Variants in LRFN2 observed in about 807,000 individuals in gnomAD.
LRFN2 encodes the protein leucine-rich repeat and fibronectin type-III domain-containing protein 2.
LRFN2 carries 18 observed loss-of-function variants against 37.3 expected under a neutral mutation model. The ratio of observed to expected loss-of-function variants is 0.48; its 90% CI spans 0.33 to 0.72. The LOEUF is 0.72. Ranked by LOEUF, LRFN2 falls within the 30% of genes least tolerant of loss-of-function variation. LRFN2 has a pLI of 0.02. For missense variants in LRFN2, 1,006 were observed against 1,060.7 expected, an observed-to-expected ratio of 0.95 and a Z score of 0.72; for synonymous variants, 556 against 466.6, an observed-to-expected ratio of 1.19 and a Z score of -2.47.
chr6:40,583,518 T>C (rs1767444187), intron 1 of LRFN2, among the ~76,000 whole-genome samples: 1 of 152,142 alleles, frequency 6.6e-6, no homozygotes, highest in Non-Finnish European at 1.5e-5. Context: ...CCCTGATACC[T>C]GAGTATAATT....
chr6:40,470,798 A>G (rs991863680), intron 1 of LRFN2, among the ~76,000 whole-genome samples: 2 of 152,096 alleles, frequency 1.3e-5, no homozygotes, highest in Admixed American at 6.5e-5. Flanking sequence ...CATCCAACAC[A>G]GGCACCTGCT....
At chr6:40,444,744 T>G (rs1763926313) in intron 1 of LRFN2, among the ~76,000 whole-genome samples, 1 of 152,152 alleles carries the variant, frequency 6.6e-6, no homozygotes, top group Admixed American at 6.5e-5. Flanking sequence ...CTGGTTTGAT[T>G]AAATGTGGGC....
chr6:40,409,276 G>A (rs1433113279), intron 2 of LRFN2, among the ~76,000 whole-genome samples: 1 of 152,088 alleles, frequency 6.6e-6, no homozygotes, highest in Non-Finnish European at 1.5e-5. Flanking sequence ...AACCTGTATC[G>A]ACCCCCAGGG....
intron 1 of LRFN2, among the ~76,000 whole-genome samples, chr6:40,571,069 G>T (rs889833824): frequency 2.0e-5 from 3 of 152,200 alleles, no homozygotes; most frequent in Non-Finnish European, 2.9e-5. Flanking sequence ...AGCTGGAGAG[G>T]AATCACCTCT....
intron 1 of LRFN2, among the ~76,000 whole-genome samples, chr6:40,490,734 G>C (rs142969064): frequency 3.9e-5 from 6 of 152,200 alleles, no homozygotes; most frequent in Non-Finnish European, 7.3e-5. Context: ...GAACATCAGA[G>C]AAGCCTGCCA....
chr6:40,528,045 A>T (rs1010052921), intron 1 of LRFN2, among the ~76,000 whole-genome samples: 5 of 152,244 alleles, frequency 3.3e-5, no homozygotes, highest in African/African-American at 1.2e-4. Flanking sequence ...AAACTGCCCA[A>T]GGTCACACCG....
intron 1 of LRFN2, among the ~76,000 whole-genome samples, chr6:40,577,866 C>T (rs886163262): frequency 6.6e-5 from 10 of 150,684 alleles, no homozygotes; most frequent in African/African-American, 2.0e-4. Context: ...GTCCCTTTCC[C>T]ACCACTAGGA....
intron 1 of LRFN2, among the ~76,000 whole-genome samples, chr6:40,528,367 A>G (rs369306): frequency 0.65 from 99,176 of 152,124 alleles, 33,529 homozygotes; most frequent in African/African-American, 0.84. Context: ...AGAGTCGCTC[A>G]ATGAGAGGCA....
At chr6:40,423,110 G>A (rs1763267362) in intron 2 of LRFN2, among the ~76,000 whole-genome samples, 1 of 152,254 alleles carries the variant, frequency 6.6e-6, no homozygotes, top group Non-Finnish European at 1.5e-5. Flanking sequence ...CTCTTAGAAG[G>A]TGCCCTGAAA....
chr6:40,460,778 T>C (rs2113849728), intron 1 of LRFN2, among the ~76,000 whole-genome samples: 1 of 152,298 alleles, frequency 6.6e-6, no homozygotes, highest in Non-Finnish European at 1.5e-5. Flanking sequence ...GGAGACTTCA[T>C]AGTCTCCCAG....
chr6:40,562,689 T>C (rs931548665), intron 1 of LRFN2, among the ~76,000 whole-genome samples: 9 of 151,998 alleles, frequency 5.9e-5, no homozygotes, highest in Non-Finnish European at 2.9e-5. Flanking sequence ...CACACACACA[T>C]ATTAATCAGC....
intron 1 of LRFN2, among the ~76,000 whole-genome samples, chr6:40,544,647 T>C (rs1486444918): frequency 6.6e-6 from 1 of 152,130 alleles, no homozygotes; most frequent in African/African-American, 2.4e-5. Context: ...GGAAGGAAAT[T>C]AGTCCAAGCT....
intron 1 of LRFN2, among the ~76,000 whole-genome samples, chr6:40,543,146 G>A (rs1766588565): frequency 6.6e-6 from 1 of 152,202 alleles, no homozygotes; most frequent in African/African-American, 2.4e-5. Flanking sequence ...CAGGCACATC[G>A]CAAAGACCAC....
chr6:40,445,354 T>C (rs1763945639), intron 1 of LRFN2, among the ~76,000 whole-genome samples: 1 of 152,174 alleles, frequency 6.6e-6, no homozygotes, highest in Non-Finnish European at 1.5e-5. Context: ...GGAATCGCAG[T>C]CCAGGTATGT....
rs1767295225 is a variant in LRFN2, at chr6:40,577,091, T to TTG, written c.-19+9849_-19+9850insCA. Among the ~76,000 whole-genome samples, 2 of 136,238 alleles carry TTG rather than the reference T, an allele frequency of 1.5e-5. 1 individual carries two copies. The highest frequency in any genetic ancestry group is 3.2e-5 in the Non-Finnish European group (2 of 61,634). 89.4% of individuals were successfully genotyped at this position (136,238 alleles called of 152,430 possible). ...GGTCCAAGGCCCATTTTCTTTTCTT[T>TTG]TCTTTTCTTTTCCTTTCTTTTCTTT... On this transcript the variant is annotated intron_variant, in intron 1 of 2. Coordinates refer to ENST00000338305, the MANE Select transcript of LRFN2 (RefSeq NM_020737.3).
chr6:40,465,268 GT>G (rs1408044936), intron 1 of LRFN2, among the ~76,000 whole-genome samples: 24 of 152,166 alleles, frequency 1.6e-4, no homozygotes, highest in Non-Finnish European at 3.4e-4. Flanking sequence ...CTTGATTTTA[GT>G]TTAATGAGAC....
At chr6:40,471,583 A>C (rs1458046631) in intron 1 of LRFN2, among the ~76,000 whole-genome samples, 6 of 152,136 alleles carry the variant, frequency 3.9e-5, no homozygotes, top group African/African-American at 1.2e-4. Flanking sequence ...GGGGTGGCTC[A>C]CTGCAGCCAC....
chr6:40,410,039 G>C lies in LRFN2; in HGVS notation c.1401-17127C>G, dbSNP rs184237275. Among the ~76,000 whole-genome samples, 111 of 152,274 alleles carry C rather than the reference G, an allele frequency of 7.3e-4. 2 individuals are homozygous for C. The highest frequency in any genetic ancestry group is 2.9e-5 in the Non-Finnish European group (2 of 68,016). Reference sequence around the variant, plus strand: ...TCTGCTCAGGAAGGAATTAATTAAGGGTGGGGAGAGTGACGACCTATAGCA... The same window carrying C: ...TCTGCTCAGGAAGGAATTAATTAAGCGTGGGGAGAGTGACGACCTATAGCA... On this transcript the variant is annotated intron_variant, in intron 2 of 2. Coordinates refer to ENST00000338305, the MANE Select transcript of LRFN2 (RefSeq NM_020737.3).
At chr6:40,396,927 T>TCTCC (rs955688239) in intron 2 of LRFN2, among the ~76,000 whole-genome samples, 2 of 152,118 alleles carry the variant, frequency 1.3e-5, no homozygotes, top group Non-Finnish European at 2.9e-5. Context: ...TCTCATTTAA[T>TCTCC]CTCCTACAAC....
Sources: allele counts gnomAD v4.1 joint callset (sites outside exome capture counted in the v4.1 genomes callset), GRCh38; gene constraint gnomAD v4.1.1; transcripts MANE v1.5; gene names NCBI Gene and HGNC (gene_info 2026-07-23, HGNC 2026-07-21).